Variants in PTPRD observed in about 807,000 individuals in gnomAD.
PTPRD encodes protein tyrosine phosphatase receptor type D, also known as receptor-type tyrosine-protein phosphatase delta.
Under a neutral mutation model 214.5 loss-of-function variants are expected in PTPRD, and 34 were observed. That is an observed-to-expected ratio of 0.16 (90% CI 0.12 to 0.21). PTPRD has a LOEUF of 0.21. Among genes scored for constraint, PTPRD ranks in the 10% least tolerant of loss-of-function variants. The pLI, the probability that PTPRD is intolerant of heterozygous loss-of-function variation, is 1.00. For missense variants in PTPRD, 2,545 were observed against 2,398.7 expected (o/e 1.06, Z -1.27); for synonymous variants, 1,128 against 845.7 (o/e 1.33, Z -5.79).
At chr9:9,799,972 G>C (rs2099028379) in intron 5 of PTPRD, among the ~76,000 whole-genome samples, 1 of 152,120 alleles carries the variant, frequency 6.6e-6, no homozygotes, top group Non-Finnish European at 1.5e-5. Context: ...ATTCCTTTCA[G>C]TCTCCAAATT....
intron 4 of PTPRD, among the ~76,000 whole-genome samples, chr9:10,026,729 T>C (rs975022360): frequency 5.9e-5 from 9 of 152,272 alleles, no homozygotes; most frequent in African/African-American, 1.9e-4. Flanking sequence ...GACAATATTA[T>C]GTATCATGAC....
chr9:10,117,612 G>GTTTTTT (rs35593505), intron 3 of PTPRD, among the ~76,000 whole-genome samples: 2,872 of 144,594 alleles, frequency 0.02, 73 homozygotes, highest in African/African-American at 0.068. Context: ...AAATCTCCCC[G>GTTTTTT]TTTTTTTTTT....
intron 10 of PTPRD, among the ~76,000 whole-genome samples, chr9:9,132,655 G>T (rs1198014371): frequency 6.6e-6 from 1 of 152,098 alleles, no homozygotes; most frequent in African/African-American, 2.4e-5. Flanking sequence ...TAATTAAAAG[G>T]ATGTTTGATT....
chr9:8,633,936 T>C (rs1328115452), intron 13 of PTPRD, among the ~76,000 whole-genome samples: 1 of 152,012 alleles, frequency 6.6e-6, no homozygotes, highest in Non-Finnish European at 1.5e-5. Context: ...ACAGTATAGA[T>C]AGGCAAACCA....
rs181229983 is a variant in PTPRD at position 9,237,636 on chromosome 9, A to T, written c.-202-54273T>A. ...GAAATCTGACAAGAGATTTGCAATA[A>T]TTTTTTTTTAAGAGCTCCATGGTCC... is the stretch of plus-strand genomic sequence containing the variant. On this transcript the variant is annotated intron_variant, in intron 9 of 45. Transcript: ENST00000381196. Among the ~76,000 whole-genome samples, 491 of 151,794 alleles carry T rather than the reference A, an allele frequency of 3.2e-3. 7 individuals are homozygous for T. The East Asian group carries it at 0.039, about 12-fold the overall frequency.
intron 6 of PTPRD, among the ~76,000 whole-genome samples, chr9:9,737,425 A>G (rs1218351863): frequency 6.6e-6 from 1 of 152,126 alleles, no homozygotes; most frequent in Non-Finnish European, 1.5e-5. Flanking sequence ...CAGTTTGTGC[A>G]AAGATAACTA....
chr9:10,170,835 AC>A (rs1390803603), intron 3 of PTPRD, among the ~76,000 whole-genome samples: 1 of 152,198 alleles, frequency 6.6e-6, no homozygotes, highest in Non-Finnish European at 1.5e-5. Flanking sequence ...ATATCATCAC[AC>A]TAATAGACAT....
intron 23 of PTPRD, among the ~76,000 whole-genome samples, chr9:8,503,619 C>T (rs2137164812): frequency 6.6e-6 from 1 of 152,212 alleles, no homozygotes; most frequent in South Asian, 2.1e-4. Flanking sequence ...GGTAACAGCT[C>T]CAAAAAGAAA....
At chr9:8,438,352 T>G (rs912891290) in intron 34 of PTPRD, among the ~76,000 whole-genome samples, 1 of 152,172 alleles carries the variant, frequency 6.6e-6, no homozygotes, top group Non-Finnish European at 1.5e-5. Flanking sequence ...AAGGTCTGCT[T>G]CCAGTCAGCT....
chr9:9,571,785 ATAAC>A (rs1202833464), intron 8 of PTPRD, among the ~76,000 whole-genome samples: 3 of 151,070 alleles, frequency 2.0e-5, no homozygotes, highest in Non-Finnish European at 4.5e-5. Flanking sequence ...AAATTATTAA[ATAAC>A]TACATATCAA....
At chr9:9,267,107 G>T (rs918413467) in intron 9 of PTPRD, among the ~76,000 whole-genome samples, 1 of 151,112 alleles carries the variant, frequency 6.6e-6, no homozygotes, top group African/African-American at 2.4e-5. Flanking sequence ...TACCCTGATG[G>T]ATCACCACGC....
chr9:8,570,987 G>C (rs1480307508), intron 14 of PTPRD, among the ~76,000 whole-genome samples: 1 of 151,932 alleles, frequency 6.6e-6, no homozygotes, highest in African/African-American at 2.4e-5. Context: ...CATTTCAGAA[G>C]TGAAATTGTT....
chr9:9,084,275 C>T (rs555335061), intron 10 of PTPRD, among the ~76,000 whole-genome samples: 2 of 152,192 alleles, frequency 1.3e-5, no homozygotes, highest in South Asian at 4.1e-4. Context: ...AGCTAGAAAC[C>T]ATCATTCTCA....
chr9:9,338,311 A>T (rs2045409131), intron 9 of PTPRD, among the ~76,000 whole-genome samples: 1 of 152,180 alleles, frequency 6.6e-6, no homozygotes, highest in Non-Finnish European at 1.5e-5. Context: ...AATATGTGGT[A>T]CCTCTGGCAC....
intron 5 of PTPRD, among the ~76,000 whole-genome samples, chr9:9,775,563 G>C (rs2098790963): frequency 6.6e-6 from 1 of 152,184 alleles, no homozygotes; most frequent in African/African-American, 2.4e-5. Flanking sequence ...GCAGCATTCA[G>C]AGGCTAGAAT....
At chr9:9,762,576 T>C (rs1370219080) in intron 6 of PTPRD, among the ~76,000 whole-genome samples, 4 of 152,214 alleles carry the variant, frequency 2.6e-5, no homozygotes, top group East Asian at 1.9e-4. Flanking sequence ...TCTAATTTTA[T>C]TGCTCATAAG....
At chr9:8,946,364 G>A (rs143976370) in intron 11 of PTPRD, among the ~76,000 whole-genome samples, 3 of 152,210 alleles carry the variant, frequency 2.0e-5, no homozygotes, top group Admixed American at 6.5e-5. Context: ...TATAGGTTTC[G>A]AGGGTTTTGT....
intron 5 of PTPRD, among the ~76,000 whole-genome samples, chr9:9,821,232 A>G (rs2153573360): frequency 6.6e-6 from 1 of 152,300 alleles, no homozygotes; most frequent in Non-Finnish European, 1.5e-5. Context: ...ATTAGTGTGT[A>G]AAAATGCTAC....
chr9:8,609,404 C>G (rs73423246), intron 14 of PTPRD, among the ~76,000 whole-genome samples: 338 of 152,278 alleles, frequency 2.2e-3, no homozygotes, highest in African/African-American at 7.9e-3. Flanking sequence ...GTCATCTTTT[C>G]TTACCTTTAT....
Sources: allele counts gnomAD v4.1 joint callset (sites outside exome capture counted in the v4.1 genomes callset), GRCh38; gene constraint gnomAD v4.1.1; transcripts MANE v1.5; gene names NCBI Gene and HGNC (gene_info 2026-07-23, HGNC 2026-07-21).